The following MAGI1 variants were observed in gnomAD, a reference collection of about 807,000 sequenced individuals.
MAGI1 encodes membrane-associated guanylate kinase, WW and PDZ domain-containing protein 1.
A neutral mutation model predicts 139.9 loss-of-function variants in MAGI1; 58 were observed. That is an observed-to-expected ratio of 0.41 (90% CI 0.34 to 0.52). The LOEUF (loss-of-function observed/expected upper bound fraction) is 0.52. Ranked by LOEUF, MAGI1 falls within the 20% of genes least tolerant of loss-of-function variation. The pLI, the probability that MAGI1 is intolerant of heterozygous loss-of-function variation, is 0.12. For missense variants in MAGI1, 1,874 were observed against 1,901.6 expected (o/e 0.99, Z 0.27); for synonymous variants, 812 against 737.9 (o/e 1.10, Z -1.63).
intron 1 of MAGI1, among the ~76,000 whole-genome samples, chr3:65,892,978 A>G (rs1575885930): frequency 6.6e-6 from 1 of 152,186 alleles, no homozygotes; most frequent in African/African-American, 2.4e-5. Context: ...TAAAACTGCA[A>G]TCATTGTTCC....
At chr3:65,759,675 T>C (rs996351494) in intron 1 of MAGI1, among the ~76,000 whole-genome samples, 12 of 152,200 alleles carry the variant, frequency 7.9e-5, no homozygotes, top group Admixed American at 2.6e-4. Context: ...TATTTCCTTT[T>C]CTGTTATTAA....
chr3:65,474,648 C>T (rs529063253), intron 4 of MAGI1, among the ~76,000 whole-genome samples: 1 of 152,230 alleles, frequency 6.6e-6, no homozygotes, highest in East Asian at 1.9e-4. Context: ...CACTCACTCA[C>T]TCTTGGGGAC....
At position 65,828,491 on chromosome 3, in the gene MAGI1, G is replaced by A. The variant is rs34033534; in HGVS notation, c.314-206403C>T. ...CCTTTTTTCAGTTAGCAGTAAGATG[G>A]GAGACTGAAAGAAAAGGAATGAGCC... On this transcript the variant is annotated intron_variant, in intron 1 of 22. Transcript: ENST00000402939. 7.3e-3 allele frequency among the ~76,000 whole-genome samples: 1,111 copies of A among 152,224 alleles called. 10 individuals carry two copies. Among genetic ancestry groups the A allele is most frequent in the African/African-American group, 0.024 (1,011 of 41,538 alleles).
chr3:65,546,807 T>C (rs1041671182), intron 2 of MAGI1, among the ~76,000 whole-genome samples: 1 of 152,170 alleles, frequency 6.6e-6, no homozygotes, highest in African/African-American at 2.4e-5. Context: ...TTGAAGTTTC[T>C]CTAACCCTTA....
At chr3:65,460,863 G>A (rs1430060756) in intron 5 of MAGI1, among the ~76,000 whole-genome samples, 1 of 152,102 alleles carries the variant, frequency 6.6e-6, no homozygotes, top group Non-Finnish European at 1.5e-5. Context: ...CCATGTCCCT[G>A]CAAAGGACAT....
intron 1 of MAGI1, among the ~76,000 whole-genome samples, chr3:65,787,729 A>T (rs2039494165): frequency 6.6e-6 from 1 of 152,124 alleles, no homozygotes; most frequent in Non-Finnish European, 1.5e-5. Context: ...ACATCTAATT[A>T]GCCTTGGGTG....
At chr3:65,967,103 G>A (rs7625678) in intron 1 of MAGI1, among the ~76,000 whole-genome samples, 143,773 of 152,180 alleles carry the variant, frequency 0.94, 68,447 homozygotes, top group East Asian at 1. Context: ...AACCCAGACA[G>A]TCTGGCACCA....
chr3:65,756,449 A>G (rs11131039), intron 1 of MAGI1, among the ~76,000 whole-genome samples: 41,615 of 152,090 alleles, frequency 0.27, 6,800 homozygotes, highest in East Asian at 0.48. Flanking sequence ...ACATGAGCAA[A>G]GGTCATACTT....
At position 65,400,750 on chromosome 3, in the gene MAGI1, A is replaced by ATTTTTTTTTTTT. The variant is rs767598706; in HGVS notation, c.2199+677_2199+688dup. ...GATTGGAAAGGACAGCAAAACATTG[A>ATTTTTTTTTTTT]TTTTTTTTTTTTTTTTTTTTTTTTT... is the stretch of plus-strand genomic sequence containing the variant. On this transcript the variant is annotated intron_variant, in intron 13 of 22. Coordinates refer to ENST00000402939, the MANE Select transcript of MAGI1 (RefSeq NM_001033057.2). Among the ~76,000 whole-genome samples the ATTTTTTTTTTTT allele has an allele frequency of 1.7e-4, 10 of 60,600 alleles. 1 individual carries two copies. Among genetic ancestry groups the ATTTTTTTTTTTT allele is most frequent in the African/African-American group, 2.0e-4 (3 of 14,904 alleles). 39.8% of individuals were successfully genotyped at this position (60,600 alleles called of 152,430 possible).
chr3:65,442,612 G>T (rs944780345), intron 8 of MAGI1, among the ~76,000 whole-genome samples, 180 bp downstream of exon 8: 3 of 152,010 alleles, frequency 2.0e-5, no homozygotes, highest in Non-Finnish European at 4.4e-5. Flanking sequence ...AATATGATTT[G>T]CTATTTTCAG....
At chr3:65,612,136 A>G (rs2106950098) in intron 2 of MAGI1, among the ~76,000 whole-genome samples, 1 of 152,222 alleles carries the variant, frequency 6.6e-6, no homozygotes, top group East Asian at 1.9e-4. Flanking sequence ...AGAGACAAAA[A>G]CATAACATTC....
Position 65,355,806 on chromosome 3 carries a change from C to T in MAGI1, c.*572G>A, listed in dbSNP as rs1370897874. On this transcript the variant is annotated 3_prime_UTR_variant, in exon 23 of 23. Transcript: ENST00000402939. ...TTTAGCTATAAATATCCTTCATTTG[C>T]AATAGTAGTCTTGTCATACAGTTTG... 6.6e-6 allele frequency: 1 copy of T among 152,616 alleles called. No homozygotes were observed. The highest frequency in any genetic ancestry group is 1.5e-5 in the Non-Finnish European group (1 of 68,028). 9.5% of individuals were successfully genotyped at this position (152,616 alleles called of 1,614,324 possible).
At chr3:65,395,534 T>A (rs1313865899) in intron 13 of MAGI1, among the ~76,000 whole-genome samples, 3 of 147,578 alleles carry the variant, frequency 2.0e-5, no homozygotes, top group Non-Finnish European at 4.5e-5. Context: ...CCCAGCTACT[T>A]GGGAGGCTGA....
At chr3:65,703,492 G>C (rs924295083) in intron 1 of MAGI1, among the ~76,000 whole-genome samples, 2 of 152,192 alleles carry the variant, frequency 1.3e-5, no homozygotes, top group African/African-American at 4.8e-5. Context: ...CAAGCCCAAG[G>C]CTTCAATTGC....
At chr3:65,640,414 C>T (rs1012744612) in intron 1 of MAGI1, among the ~76,000 whole-genome samples, 2 of 152,144 alleles carry the variant, frequency 1.3e-5, no homozygotes, top group African/African-American at 4.8e-5. Flanking sequence ...GAGGCCTCTC[C>T]TGTTCTAAGA....
At chr3:65,639,964 G>T (rs1035647303) in intron 1 of MAGI1, among the ~76,000 whole-genome samples, 1 of 150,496 alleles carries the variant, frequency 6.6e-6, no homozygotes, top group Non-Finnish European at 1.5e-5. Context: ...ATCGTAGCCT[G>T]GGCAACAAGC....
chr3:65,958,865 T>C (rs1431666025), intron 1 of MAGI1, among the ~76,000 whole-genome samples: 3 of 152,108 alleles, frequency 2.0e-5, no homozygotes, highest in Non-Finnish European at 4.4e-5. Flanking sequence ...CGTGTGCCTG[T>C]AATCCCAGCT....
intron 1 of MAGI1, among the ~76,000 whole-genome samples, chr3:65,795,514 T>C (rs550221826): frequency 1.3e-5 from 2 of 152,176 alleles, no homozygotes; most frequent in Non-Finnish European, 2.9e-5. Flanking sequence ...TATTAGTGAC[T>C]GAGAGGGGTT....
At chr3:65,812,331 C>T (rs559776841) in intron 1 of MAGI1, among the ~76,000 whole-genome samples, 1 of 152,106 alleles carries the variant, frequency 6.6e-6, no homozygotes, top group Non-Finnish European at 1.5e-5. Flanking sequence ...TGTTCCTGGC[C>T]CAGTGCTCCC....
Sources: allele counts gnomAD v4.1 joint callset (sites outside exome capture counted in the v4.1 genomes callset), GRCh38; gene constraint gnomAD v4.1.1; transcripts MANE v1.5; gene names NCBI Gene and HGNC (gene_info 2026-07-23, HGNC 2026-07-21).